The following FGD1 variants were observed in gnomAD, a reference collection of about 807,000 sequenced individuals.
The protein encoded by FGD1 is FYVE, RhoGEF and PH domain containing 1, also known as FYVE, RhoGEF and PH domain-containing protein 1.
In FGD1, 12 loss-of-function variants were observed where a neutral mutation model predicts 65.0. The observed-to-expected ratio is 0.18, with a 90% confidence interval of 0.12 to 0.30. FGD1 has a LOEUF of 0.30. Ranked by LOEUF, FGD1 falls within the 10% of genes least tolerant of loss-of-function variation. The probability of loss-of-function intolerance (pLI) is 1.00; values close to 1 mark genes in which losing one functional copy is unlikely to be tolerated. For missense variants in FGD1, 542 were observed against 837.6 expected (o/e 0.65, Z 4.36); for synonymous variants, 333 against 343.9 (o/e 0.97, Z 0.35).
chrX:54,492,624 G>C (rs770479565), intron 1 of FGD1, among the ~76,000 whole-genome samples: 1 of 112,278 alleles, frequency 8.9e-6, no homozygotes, highest in Non-Finnish European at 1.9e-5. Flanking sequence ...CACATGGCCC[G>C]GCGCCCGCCT....
rs773749829 is a variant in FGD1, at chrX:54,466,836, A to G, written c.1340+948T>C. Reference sequence around the variant, plus strand: ...ACGATCTCGGCTCACTGCAAGCTCCACCTCCCAGGTTCACACCATTCTCCT... The same window carrying G: ...ACGATCTCGGCTCACTGCAAGCTCCGCCTCCCAGGTTCACACCATTCTCCT... On this transcript the variant is annotated intron_variant, in intron 6 of 17. Transcript: ENST00000375135. Among the ~76,000 whole-genome samples, 342 of 105,424 alleles carry G rather than the reference A, an allele frequency of 3.2e-3. 1 individual carries two copies. Among genetic ancestry groups the G allele is most frequent in the Non-Finnish European group, 5.6e-3 (288 of 51,421 alleles). 91.5% of individuals were successfully genotyped at this position (105,424 alleles called of 115,157 possible).
chrX:54,461,600 CAAAAAAAAAAA>C (rs1165040158), intron 8 of FGD1, among the ~76,000 whole-genome samples: 39 of 18,052 alleles, frequency 2.2e-3, no homozygotes, highest in Non-Finnish European at 4.4e-3. Context: ...GACTCTGTCT[CAAAAAAAAAAA>C]AAAAAAAAAA....
rs1027629598 is a variant in FGD1, at chrX:54,455,593, A to G, written c.1936-66T>C. The G allele has an allele frequency of 4.7e-6, 5 of 1,074,913 alleles. No individual in the cohort carries two copies. In the African/African-American group the frequency reaches 9.1e-5, roughly 20 times the overall value. 88.6% of individuals were successfully genotyped at this position (1,074,913 alleles called of 1,213,427 possible). On this transcript the variant is annotated intron_variant, in intron 11 of 17. Transcript: ENST00000375135. ...TCCACAGGGCCCTAGCCCTCTGCAC[A>G]CATACACACACAGACTCGGGGTCAA...
chrX:54,469,140 AGT>A (rs1408175422), intron 4 of FGD1, among the ~76,000 whole-genome samples: 1 of 111,687 alleles, frequency 9.0e-6, no homozygotes, highest in African/African-American at 3.3e-5. Context: ...CACTCAGCAG[AGT>A]GTAGTGGTTA....
intron 8 of FGD1, among the ~76,000 whole-genome samples, chrX:54,459,797 G>A (rs756166751): frequency 9.1e-6 from 1 of 110,331 alleles, no homozygotes; most frequent in South Asian, 3.9e-4. Context: ...AATCTGGGAG[G>A]CTCCATTAAG....
At chrX:54,458,347 C>T (rs1922554518) in intron 8 of FGD1, among the ~76,000 whole-genome samples, 1 of 110,161 alleles carries the variant, frequency 9.1e-6, no homozygotes, top group South Asian at 3.9e-4. Flanking sequence ...TCAAGACCAG[C>T]CTGGCCAACA....
Position 54,446,128 on chromosome X carries a change from T to TG in FGD1, c.2866dup (p.Gln956ProfsTer21). 1 of 1,209,737 alleles carries TG rather than the reference T, an allele frequency of 8.3e-7. No individual in the cohort carries two copies. ...AACCCTCTAGGTCTTGTCTCGGGTC[T>TG]GGGGGGATTCGGGGGGTTCAGCAGT... On this transcript the variant is annotated frameshift_variant, in exon 18 of 18. Transcript: ENST00000375135. LOFTEE classifies it high-confidence loss of function.
rs767617080 is a variant in FGD1, at chrX:54,477,845, C to T, written c.308-6358G>A. ...TTAAAAAATGACTTGTTGGGCCAGG[C>T]GCAGTGGCTCATGCCTGTAATCCCA... On this transcript the variant is annotated intron_variant, in intron 1 of 17. Transcript: ENST00000375135. 8.1e-5 allele frequency among the ~76,000 whole-genome samples: 9 copies of T among 111,651 alleles called. No individual in the cohort carries two copies. In the South Asian group the frequency reaches 1.5e-3, roughly 19 times the overall value.
chrX:54,467,991 G>C (rs1427900553), intron 5 of FGD1, 59 bp from the exon 6 acceptor site: 1 of 1,063,918 alleles, frequency 9.4e-7, no homozygotes, highest in East Asian at 3.3e-5. Flanking sequence ...CTGGTGAAGG[G>C]TGAGGGCAGT....
intron 16 of FGD1, among the ~76,000 whole-genome samples, chrX:54,448,280 G>A (rs1232780175): frequency 9.1e-6 from 1 of 109,822 alleles, no homozygotes; most frequent in Non-Finnish European, 1.9e-5. Flanking sequence ...CTGCTTCCCA[G>A]GTTCAAGCGA....
chrX:54,484,465 C>T (rs1490323787), intron 1 of FGD1, among the ~76,000 whole-genome samples: 1 of 111,649 alleles, frequency 9.0e-6, no homozygotes, highest in Non-Finnish European at 1.9e-5. Flanking sequence ...CCCCCTTGCT[C>T]CCCTCTTTCA....
At chrX:54,465,151 G>A (rs944786090) in intron 8 of FGD1, among the ~76,000 whole-genome samples, 4 of 106,853 alleles carry the variant, frequency 3.7e-5, no homozygotes, top group African/African-American at 1.4e-4. Context: ...GTTCCAGTTG[G>A]GAAGTTCAGG....
intron 12 of FGD1, among the ~76,000 whole-genome samples, chrX:54,454,778 A>G (rs1922459351): frequency 9.0e-6 from 1 of 111,477 alleles, no homozygotes; most frequent in South Asian, 3.7e-4. Context: ...GTATGTATGT[A>G]TATGTGTGCA....
At chrX:54,471,965 G>A (rs1410878372) in intron 1 of FGD1, among the ~76,000 whole-genome samples, 1 of 111,977 alleles carries the variant, frequency 8.9e-6, no homozygotes, top group African/African-American at 3.2e-5. Context: ...TGTTTCATGA[G>A]CAAGTTTTGC....
chrX:54,487,838 T>C (rs1029372886), intron 1 of FGD1, among the ~76,000 whole-genome samples: 12 of 109,953 alleles, frequency 1.1e-4, no homozygotes, highest in Non-Finnish European at 2.3e-4. Flanking sequence ...TAATCCCAGC[T>C]ACTCAGGAGG....
At position 54,495,170 on chromosome X, in the gene FGD1, G is replaced by A; in HGVS notation, c.263C>T (p.Ala88Val). Residue 88 changes from alanine to valine, a missense_variant, in exon 1 of 18, where the codon GCC (alanine) becomes GTC (valine). Coordinates refer to ENST00000375135, the MANE Select transcript of FGD1 (RefSeq NM_004463.3). ...PCGPSPQHHR[A>V]LRFSYHLEGS... ...CTCCAGGTGGTAAGAGAAGCGCAGG[G>A]CCCGGTGGTGCTGTGGACTGGGACC... The A allele has an allele frequency of 8.4e-7, 1 of 1,187,593 alleles. No individual in the cohort carries two copies. Among genetic ancestry groups the A allele is most frequent in the East Asian group, 3.1e-5 (1 of 32,723 alleles).
chrX:54,478,313 TA>T (rs1431298535), intron 1 of FGD1, among the ~76,000 whole-genome samples: 1 of 111,353 alleles, frequency 9.0e-6, no homozygotes. Context: ...CTAGGGACTC[TA>T]CCCAATTTTT....
rs1377181248 is a variant in FGD1 at position 54,466,386 on chromosome X, AG to A, written c.1341-535del. On this transcript the variant is annotated intron_variant, in intron 6 of 17. Transcript: ENST00000375135. ...GGCTTTCTGTGGTCACAGTCTGGTG[AG>A]GGGGACACACTTGACTCTGTAGGTG... Among the ~76,000 whole-genome samples the A allele has an allele frequency of 8.1e-5, 9 of 111,655 alleles. No individual in the cohort carries two copies. The Admixed American group carries it at 8.6e-4, about 11-fold the overall frequency.
intron 1 of FGD1, among the ~76,000 whole-genome samples, chrX:54,474,490 C>T (rs1042234439): frequency 8.9e-6 from 1 of 112,691 alleles, no homozygotes; most frequent in African/African-American, 3.2e-5. Flanking sequence ...ACAGGGTGCC[C>T]CAGGCCCCAG....
Sources: allele counts gnomAD v4.1 joint callset (sites outside exome capture counted in the v4.1 genomes callset), GRCh38; gene constraint gnomAD v4.1.1; transcripts MANE v1.5; gene names NCBI Gene and HGNC (gene_info 2026-07-23, HGNC 2026-07-21).